DACH1: variants seen among roughly 807,000 people sequenced by gnomAD.
DACH1 encodes dachshund homolog 1.
A neutral mutation model predicts 54.2 loss-of-function variants in DACH1; 12 were observed. That is an observed-to-expected ratio of 0.22 (90% CI 0.14 to 0.36). DACH1 has a LOEUF of 0.36. Among genes scored for constraint, DACH1 ranks in the 10% least tolerant of loss-of-function variants. DACH1 has a pLI of 1.00. For synonymous variants in DACH1, 386 were observed against 366.2 expected (o/e 1.05, Z -0.62); for missense variants, 805 against 929.8 (o/e 0.87, Z 1.75).
chr13:71,448,549 T>G (rs959750252), intron 10 of DACH1, among the ~76,000 whole-genome samples: 1 of 152,218 alleles, frequency 6.6e-6, no homozygotes. Flanking sequence ...TTGCTTTTTT[T>G]ATAATTTTAT....
At chr13:71,478,551 T>C (rs770293481) in intron 8 of DACH1, among the ~76,000 whole-genome samples, 2 of 152,196 alleles carry the variant, frequency 1.3e-5, no homozygotes, top group Non-Finnish European at 2.9e-5. Flanking sequence ...CAAAATTATC[T>C]ATAGATGCAC....
At chr13:71,838,076 A>G (rs1308410657) in intron 1 of DACH1, among the ~76,000 whole-genome samples, 1 of 151,568 alleles carries the variant, frequency 6.6e-6, no homozygotes, top group Non-Finnish European at 1.5e-5. Flanking sequence ...GGATAGCTTA[A>G]ACTTCAAAAC....
At chr13:71,527,621 T>C (rs1004981804) in intron 6 of DACH1, among the ~76,000 whole-genome samples, 2 of 152,214 alleles carry the variant, frequency 1.3e-5, no homozygotes, top group Non-Finnish European at 2.9e-5. Context: ...GAGAGGGATA[T>C]GAGCACAGAG....
chr13:71,500,438 C>T (rs767443814), intron 6 of DACH1, among the ~76,000 whole-genome samples: 3 of 152,036 alleles, frequency 2.0e-5, no homozygotes, highest in African/African-American at 4.8e-5. Flanking sequence ...TAAAACAGAA[C>T]GATTCTCAAA....
intron 1 of DACH1, among the ~76,000 whole-genome samples, chr13:71,810,212 G>A (rs1440690352): frequency 1.3e-5 from 2 of 152,010 alleles, no homozygotes; most frequent in East Asian, 1.9e-4. Context: ...TCACAAAAAC[G>A]TTATCACTTA....
intron 1 of DACH1, among the ~76,000 whole-genome samples, chr13:71,749,280 GC>G (rs1884815898): frequency 6.6e-6 from 1 of 152,092 alleles, no homozygotes; most frequent in East Asian, 1.9e-4. Context: ...ACTTTGCCTG[GC>G]CCTATTTTCT....
At chr13:71,712,079 T>C (rs1381462804) in intron 1 of DACH1, among the ~76,000 whole-genome samples, 2 of 152,120 alleles carry the variant, frequency 1.3e-5, no homozygotes, top group African/African-American at 2.4e-5. Flanking sequence ...ACTTCTCATC[T>C]CTGGCATTGG....
At chr13:71,821,446 A>AATTCTAAGATTTTAAATTTAAATTTAC (rs1888183484) in intron 1 of DACH1, among the ~76,000 whole-genome samples, 1 of 149,714 alleles carries the variant, frequency 6.7e-6, no homozygotes, top group Non-Finnish European at 1.5e-5. Context: ...TTTAAATTTA[A>AATTCTAAGATTTTAAATTTAAATTTAC]ATTCTAAGAT....
intron 1 of DACH1, among the ~76,000 whole-genome samples, chr13:71,858,609 G>A (rs780653301): frequency 4.0e-5 from 6 of 151,410 alleles, no homozygotes; most frequent in South Asian, 4.2e-4. Context: ...TAATCACCAC[G>A]TTGTACAACA....
intron 1 of DACH1, among the ~76,000 whole-genome samples, chr13:71,864,826 T>G (rs998822009): frequency 1.3e-5 from 2 of 149,808 alleles, no homozygotes; most frequent in Non-Finnish European, 3.0e-5. Flanking sequence ...TCCCGCCGCC[T>G]CCTCCGTGCG....
chr13:71,527,797 T>C (rs1027755055), intron 6 of DACH1, among the ~76,000 whole-genome samples: 3 of 152,194 alleles, frequency 2.0e-5, no homozygotes, highest in Non-Finnish European at 4.4e-5. Flanking sequence ...AAAAGCTATA[T>C]TGGCTTTTAC....
chr13:71,717,966 CA>C (rs1476268478), intron 1 of DACH1, among the ~76,000 whole-genome samples: 2 of 151,436 alleles, frequency 1.3e-5, no homozygotes, highest in Non-Finnish European at 2.9e-5. Flanking sequence ...CCAATGAGAG[CA>C]TGTCACTCTC....
At position 71,456,684 on chromosome 13, in the gene DACH1, T is replaced by A. The variant is rs1875592151; in HGVS notation, c.2084-15992A>T. Among the ~76,000 whole-genome samples, 5 of 152,194 alleles carry A rather than the reference T, an allele frequency of 3.3e-5. No homozygotes were observed. In the South Asian group the frequency reaches 1.0e-3, roughly 32 times the overall value. ...AAAATCCATGGTCATCTACATTGAT[T>A]TCAACTGGACAGACTTCAATTTCAT... On this transcript the variant is annotated intron_variant, in intron 10 of 10. Transcript: ENST00000613252.
At chr13:71,679,122 T>C (rs1880742927) in intron 2 of DACH1, among the ~76,000 whole-genome samples, 2 of 152,164 alleles carry the variant, frequency 1.3e-5, no homozygotes, top group Admixed American at 1.3e-4. Context: ...AAGTAGAATG[T>C]CTGAGAAGGC....
chr13:71,488,781 C>T (rs967679664), intron 7 of DACH1, among the ~76,000 whole-genome samples: 6 of 150,242 alleles, frequency 4.0e-5, no homozygotes, highest in African/African-American at 1.5e-4. Context: ...TTTATTATGG[C>T]TTAATATACA....
chr13:71,480,162 A>G (rs1209422322), intron 7 of DACH1, among the ~76,000 whole-genome samples: 1 of 152,214 alleles, frequency 6.6e-6, no homozygotes, highest in Non-Finnish European at 1.5e-5. Flanking sequence ...CTAGATTTTA[A>G]AATTTCACAA....
At chr13:71,659,907 T>C (rs1879381155) in intron 2 of DACH1, among the ~76,000 whole-genome samples, 1 of 152,168 alleles carries the variant, frequency 6.6e-6, no homozygotes, top group Non-Finnish European at 1.5e-5. Context: ...CTAACAACAC[T>C]AATGCTTTTT....
chr13:71,704,254 A>T (rs1357992244), intron 1 of DACH1: 9 of 258,130 alleles, frequency 3.5e-5, no homozygotes, highest in Non-Finnish European at 6.8e-5. Flanking sequence ...CATAGAGTTG[A>T]TCCTTTGGCC....
rs115764307 is a variant in DACH1, at chr13:71,635,672, A to G, written c.965-4955T>C. Among the ~76,000 whole-genome samples, 494 of 152,210 alleles carry G rather than the reference A, an allele frequency of 3.2e-3. 5 individuals are homozygous for G. The South Asian group carries it at 0.034, about 10-fold the overall frequency. ...TTTCCTTCCTTTCTTCACTTATCAT[A>G]GATCTTCTCCCCTGTCTTCAGATTC... On this transcript the variant is annotated intron_variant, in intron 2 of 10. Transcript: ENST00000613252.
Sources: gnomAD v4.1 joint callset for allele counts (sites outside exome capture counted in the v4.1 genomes callset) on GRCh38, gnomAD v4.1.1 for gene constraint, MANE v1.5 for transcripts, NCBI Gene and HGNC (gene_info 2026-07-23, HGNC 2026-07-21) for gene names.